Variants in SPATA7 observed in about 807,000 individuals in gnomAD.
SPATA7 encodes spermatogenesis associated 7.
A neutral mutation model predicts 51.8 loss-of-function variants in SPATA7; 43 were observed. The observed-to-expected ratio is 0.83, with a 90% confidence interval of 0.65 to 1.07. The LOEUF (loss-of-function observed/expected upper bound fraction) is 1.07. SPATA7 is among the 50% of genes least tolerant of loss of function. SPATA7 has a pLI of 0.00. For synonymous variants in SPATA7, 230 were observed against 252.8 expected (o/e 0.91, Z 0.86); for missense variants, 683 against 701.3 (o/e 0.97, Z 0.30).
rs768088420 is a variant in SPATA7 at position 88,396,167 on chromosome 14, T to A, written c.202T>A (p.Cys68Ser). The stretch of plus-strand genomic sequence containing the variant: ...CCTTTCTCTTTCAGCTGCAGTAGAC[T>A]GCTCGGTTCCAGTAAGCGTGAGTAC... The part of the protein sequence containing the change: ...KILSAKAAVD[C>S]SVPVSVSTSI... The change falls in exon 4 of 12, where the codon TGC (cysteine) becomes AGC (serine). Residue 68 changes from cysteine (C) to serine (S), a missense_variant. Physicochemically the swap from Cys to Ser is moderately radical, Grantham distance 112. Coordinates refer to ENST00000393545, the MANE Select transcript of SPATA7 (RefSeq NM_018418.5). The A allele has an allele frequency of 1.9e-6, 3 of 1,610,520 alleles. No individual in the cohort carries two copies. In the Admixed American group the frequency reaches 5.0e-5, roughly 27 times the overall value.
In SPATA7 at chr14:88,393,103, CA is replaced by C. The variant is rs60631129; in HGVS notation, c.95-280del. On this transcript the variant is annotated intron_variant, in intron 2 of 11. Coordinates refer to ENST00000393545, the MANE Select transcript of SPATA7 (RefSeq NM_018418.5). ...CCTTAGTTAGAAGATTGAGAGCTGT[CA>C]AAAAAAAAATAGTTCTGTAAATGTA... is the stretch of plus-strand genomic sequence containing the variant. Among the ~76,000 whole-genome samples, 140 of 147,186 alleles carry C rather than the reference CA, an allele frequency of 9.5e-4. 1 individual carries two copies. The highest frequency in any genetic ancestry group is 3.2e-3 in the African/African-American group (130 of 40,362).
chr14:88,409,550 T>A (rs1485255920), intron 4 of SPATA7, among the ~76,000 whole-genome samples: 1 of 152,162 alleles, frequency 6.6e-6, no homozygotes, highest in East Asian at 1.9e-4. Flanking sequence ...GCTCCTGGAT[T>A]TATTGATTTT....
intron 6 of SPATA7, 80 bp downstream of exon 6, chr14:88,426,784 C>A: frequency 7.7e-7 from 1 of 1,303,814 alleles, no homozygotes; most frequent in Non-Finnish European, 1.1e-6. Flanking sequence ...TTGTTTTCTG[C>A]TGCCAGCCTT....
At position 88,469,442 on chromosome 14, in the gene SPATA7, T is replaced by G. The variant is rs1179118492; in HGVS notation, c.255-405T>G. On this transcript the variant is annotated intron_variant, in intron 4 of 4. Coordinates refer to the SPATA7 transcript ENST00000556406. The surrounding 1 kb of genome is among the most constrained non-coding windows in gnomAD (Gnocchi z 4.3). ...AATATTTCGGAAACATAAATGTTCCTCTCTGTTTAACACCTCCAGAGGCAG... is the reference window on the plus strand; with the variant it reads ...AATATTTCGGAAACATAAATGTTCCGCTCTGTTTAACACCTCCAGAGGCAG... 9 of 1,388,912 alleles carry G rather than the reference T, an allele frequency of 6.5e-6. No individual in the cohort carries two copies. Among genetic ancestry groups the G allele is most frequent in the Non-Finnish European group, 9.2e-6 (9 of 979,592 alleles). The allele number at this position is 1,388,912 out of a possible 1,614,324, so 86.0% of individuals were successfully genotyped here. A position where few individuals can be genotyped will look rare whatever the true frequency, so the allele number is the denominator to read the frequency against.
chr14:88,467,734 T>G (rs1429046226), intron 4 of SPATA7: 1 of 177,142 alleles, frequency 5.6e-6, no homozygotes, highest in African/African-American at 2.4e-5. Context: ...CCCTAAATAT[T>G]TGTCATAAAA....
At chr14:88,447,521 G>T (rs1256605634) in intron 3 of SPATA7, among the ~76,000 whole-genome samples, 1 of 151,982 alleles carries the variant, frequency 6.6e-6, no homozygotes, top group Non-Finnish European at 1.5e-5. Context: ...ATTTGATCCT[G>T]TCATTATGAT....
chr14:88,461,666 C>T (rs569390912), intron 4 of SPATA7, among the ~76,000 whole-genome samples: 28 of 152,112 alleles, frequency 1.8e-4, no homozygotes, highest in South Asian at 8.3e-4. Flanking sequence ...CCGGCTGAGG[C>T]GATGCCTCAC....
chr14:88,457,366 G>A (rs1336082838), downstream of SPATA7, among the ~76,000 whole-genome samples: 5 of 152,178 alleles, frequency 3.3e-5, no homozygotes, highest in African/African-American at 1.2e-4. Flanking sequence ...GGCATGGAAT[G>A]TTCTTGCATT....
At chr14:88,391,999 A>G (rs2075759567) in intron 2 of SPATA7, among the ~76,000 whole-genome samples, 1 of 152,188 alleles carries the variant, frequency 6.6e-6, no homozygotes, top group Non-Finnish European at 1.5e-5. Context: ...CCTTAGGCAA[A>G]ATAATTAAAG....
intron 8 of SPATA7, among the ~76,000 whole-genome samples, chr14:88,430,942 T>C (rs1400235694): frequency 6.6e-6 from 1 of 152,164 alleles, no homozygotes; most frequent in Non-Finnish European, 1.5e-5. Context: ...TCCGACATGA[T>C]GCCCAAAGGA....
downstream of SPATA7, among the ~76,000 whole-genome samples, chr14:88,459,504 G>A (rs1208412376): frequency 6.6e-6 from 1 of 152,042 alleles, no homozygotes; most frequent in Non-Finnish European, 1.5e-5. Context: ...ATCTTTGTTG[G>A]TTTAAAGTCT....
intron 4 of SPATA7, among the ~76,000 whole-genome samples, chr14:88,411,230 T>C (rs2076333624): frequency 6.6e-6 from 1 of 152,046 alleles, no homozygotes; most frequent in African/African-American, 2.4e-5. Flanking sequence ...CCCACCAAGC[T>C]CTAGAGTCCC....
chr14:88,416,784 A>G lies in SPATA7; in HGVS notation c.312A>G (p.Lys104=), dbSNP rs370952510. The G allele has an allele frequency of 8.7e-6, 14 of 1,610,536 alleles. No individual in the cohort carries two copies. Among genetic ancestry groups the G allele is most frequent in the Non-Finnish European group, 1.2e-5 (14 of 1,177,146 alleles). Residue 104 remains lysine (K), a synonymous_variant, in exon 5 of 12, where the codon AAA becomes AAG. Coordinates refer to ENST00000393545, the MANE Select transcript of SPATA7 (RefSeq NM_018418.5). ...AQCEKEFKLT[K]TAMRANYKNN... ...GTGAAAAAGAGTTCAAATTAACTAA[A>G]ACTGCAATGCGAGCCAATTATAAAA...
intron 3 of SPATA7, among the ~76,000 whole-genome samples, chr14:88,448,246 C>T (rs1180812875): frequency 2.0e-5 from 3 of 152,282 alleles, no homozygotes; most frequent in East Asian, 1.9e-4. Context: ...CATCTTCCAT[C>T]GCTGATACCC....
chr14:88,466,378 T>C (rs545314877), intron 4 of SPATA7: 1 of 152,188 alleles, frequency 6.6e-6, no homozygotes, highest in Non-Finnish European at 1.5e-5. Context: ...GGTTGGTTTC[T>C]GGGTAAGGCA....
chr14:88,435,709 A>G (rs1424554651), intron 10 of SPATA7, among the ~76,000 whole-genome samples: 1 of 152,114 alleles, frequency 6.6e-6, no homozygotes, highest in Non-Finnish European at 1.5e-5. Flanking sequence ...GGCTCATTTC[A>G]CTTAATATAA....
intron 4 of SPATA7, among the ~76,000 whole-genome samples, chr14:88,408,497 G>A (rs1052381888): frequency 6.6e-6 from 1 of 152,120 alleles, no homozygotes; most frequent in African/African-American, 2.4e-5. Flanking sequence ...TCAGCTTAAG[G>A]AGATTTTGGG....
At position 88,385,712 on chromosome 14, in the gene SPATA7, C is replaced by A; in HGVS notation, c.-107C>A. ...AACGGTTTCCCTGCTGCTGCAGCCC[C>A]CGTCGGCTCCTCTTTTCCAGTCCTC... On this transcript the variant is annotated 5_prime_UTR_variant, in exon 1 of 12. Transcript: ENST00000393545. 2 of 1,100,088 alleles carry A rather than the reference C, an allele frequency of 1.8e-6. No homozygotes were observed. The highest frequency in any genetic ancestry group is 1.4e-6 in the Non-Finnish European group (1 of 736,382). The allele number at this position is 1,100,088 out of a possible 1,614,324, so 68.1% of individuals were successfully genotyped here.
exon 5 of SPATA7, chr14:88,470,066 G>T (rs1363473022): frequency 1.2e-5 from 19 of 1,609,734 alleles, no homozygotes; most frequent in African/African-American, 1.3e-5. Flanking sequence ...ATTAGAAAAG[G>T]TTAAAAAAAT....
Sources: allele counts gnomAD v4.1 joint callset (sites outside exome capture counted in the v4.1 genomes callset), GRCh38; gene constraint gnomAD v4.1.1; non-coding constraint Gnocchi (gnomAD v3.1); transcripts MANE v1.5; gene names NCBI Gene and HGNC (gene_info 2026-07-23, HGNC 2026-07-21).